Variants in CNBD1 observed in about 807,000 individuals in gnomAD.
CNBD1 encodes the protein cyclic nucleotide binding domain containing 1, also known as cyclic nucleotide-binding domain-containing protein 1.
CNBD1 carries 71 observed loss-of-function variants against 54.4 expected under a neutral mutation model. That is an observed-to-expected ratio of 1.30 (90% CI 1.08 to 1.59). The LOEUF (loss-of-function observed/expected upper bound fraction) is 1.59, where lower values mean the gene tolerates loss of function less well. Among genes scored for constraint, CNBD1 ranks in the 40% most tolerant of loss-of-function variants. The probability of loss-of-function intolerance (pLI) is 0.00; values close to 1 mark genes in which losing one functional copy is unlikely to be tolerated. For missense variants in CNBD1, 659 were observed against 518.0 expected, an observed-to-expected ratio of 1.27 and a Z score of -2.64; for synonymous variants, 182 against 170.7, an observed-to-expected ratio of 1.07 and a Z score of -0.51.
intron 4 of CNBD1, among the ~76,000 whole-genome samples, chr8:87,016,299 T>A (rs1470810572): frequency 2.6e-5 from 4 of 151,824 alleles, no homozygotes; most frequent in Non-Finnish European, 5.9e-5. Flanking sequence ...ACTAAAAAGT[T>A]AAAATAATAA....
At position 87,103,286 on chromosome 8, in the gene CNBD1, A is replaced by G. The variant is rs116538572; in HGVS notation, c.432-102707A>G. On this transcript the variant is annotated intron_variant, in intron 4 of 10. Transcript: ENST00000518476. ...GGTCTACAAAAAGCCTTGATTTATT[A>G]AATAATTATTCTGGGCCATGCACTC... Among the ~76,000 whole-genome samples, 369 of 152,300 alleles carry G rather than the reference A, an allele frequency of 2.4e-3. 1 individual carries two copies. Among genetic ancestry groups the G allele is most frequent in the African/African-American group, 8.1e-3 (335 of 41,556 alleles).
chr8:87,305,101 A>G (rs895996199), intron 8 of CNBD1, among the ~76,000 whole-genome samples: 3 of 152,146 alleles, frequency 2.0e-5, no homozygotes, highest in Admixed American at 6.6e-5. Flanking sequence ...TAGCTCTTCT[A>G]TACACCAACA....
intron 4 of CNBD1, among the ~76,000 whole-genome samples, chr8:87,061,078 C>T (rs534085335): frequency 2.6e-4 from 39 of 152,300 alleles, no homozygotes; most frequent in African/African-American, 9.4e-4. Context: ...AATTCCTTTT[C>T]AAAATGCCAA....
chr8:87,199,218 A>G (rs1199767571), intron 4 of CNBD1, among the ~76,000 whole-genome samples: 1 of 152,196 alleles, frequency 6.6e-6, no homozygotes, highest in Non-Finnish European at 1.5e-5. Flanking sequence ...GTGTCTCAAC[A>G]CGTACAGAAT....
chr8:87,335,673 G>T (rs1225689178), intron 8 of CNBD1, among the ~76,000 whole-genome samples: 5 of 152,102 alleles, frequency 3.3e-5, no homozygotes, highest in Non-Finnish European at 7.4e-5. Context: ...GTCAGTCTGT[G>T]TCTTTTAATT....
intron 3 of CNBD1, among the ~76,000 whole-genome samples, chr8:86,911,202 G>A (rs1305117129): frequency 6.6e-6 from 1 of 152,190 alleles, no homozygotes; most frequent in Non-Finnish European, 1.5e-5. Context: ...ACCCATGCAA[G>A]CTTTTAGCTT....
chr8:87,117,398 C>CAAAAA (rs57622902), intron 4 of CNBD1, among the ~76,000 whole-genome samples: 1 of 107,236 alleles, frequency 9.3e-6, no homozygotes, highest in African/African-American at 3.6e-5. Context: ...GATTCCGTCT[C>CAAAAA]AAAAAAAAAA....
At chr8:87,081,437 T>C (rs923245669) in intron 4 of CNBD1, among the ~76,000 whole-genome samples, 2 of 151,782 alleles carry the variant, frequency 1.3e-5, no homozygotes, top group Non-Finnish European at 2.9e-5. Context: ...TCTTAGTGAA[T>C]GTACCATGTG....
At chr8:87,275,751 G>A (rs543332048) in intron 6 of CNBD1, among the ~76,000 whole-genome samples, 1 of 151,590 alleles carries the variant, frequency 6.6e-6, no homozygotes, top group South Asian at 2.1e-4. Context: ...GGAAATAAAG[G>A]GTATTCAATT....
At chr8:87,304,312 A>C (rs1444074326) in intron 8 of CNBD1, among the ~76,000 whole-genome samples, 1 of 152,200 alleles carries the variant, frequency 6.6e-6, no homozygotes, top group South Asian at 2.1e-4. Flanking sequence ...AGCCATAAAA[A>C]ATGATGAGTT....
chr8:87,334,948 T>A (rs1041611603), intron 8 of CNBD1, among the ~76,000 whole-genome samples: 1 of 151,950 alleles, frequency 6.6e-6, no homozygotes. Flanking sequence ...ATGGTCTCAG[T>A]CTCTTGACCT....
intron 4 of CNBD1, among the ~76,000 whole-genome samples, chr8:86,981,011 G>T (rs1808474361): frequency 6.6e-6 from 1 of 152,184 alleles, no homozygotes; most frequent in Admixed American, 6.5e-5. Flanking sequence ...TACAAGAGGG[G>T]TGTGGTTATA....
At chr8:87,033,931 G>A (rs564785072) in intron 4 of CNBD1, among the ~76,000 whole-genome samples, 1 of 151,940 alleles carries the variant, frequency 6.6e-6, no homozygotes, top group Non-Finnish European at 1.5e-5. Flanking sequence ...TAATGACTTA[G>A]CTTTTTCTTG....
chr8:87,344,335 G>A (rs1810126731), intron 8 of CNBD1, among the ~76,000 whole-genome samples: 1 of 151,936 alleles, frequency 6.6e-6, no homozygotes, highest in Non-Finnish European at 1.5e-5. Flanking sequence ...CAAAAGAGAT[G>A]TATTAAGAAG....
intron 4 of CNBD1, among the ~76,000 whole-genome samples, chr8:87,073,004 T>G (rs1810790367): frequency 6.6e-6 from 1 of 152,058 alleles, no homozygotes; most frequent in Middle Eastern, 3.2e-3. Context: ...TTTTGTTCTT[T>G]TCTTTCCATT....
chr8:87,397,489 A>G (rs1217972600), intron 2 of CNBD1, among the ~76,000 whole-genome samples: 1 of 151,932 alleles, frequency 6.6e-6, no homozygotes, highest in Non-Finnish European at 1.5e-5. Context: ...TTGCCACAAA[A>G]CTAAATTTAC....
chr8:87,217,115 T>A (rs1814228725), intron 5 of CNBD1, among the ~76,000 whole-genome samples: 1 of 152,164 alleles, frequency 6.6e-6, no homozygotes, highest in East Asian at 1.9e-4. Flanking sequence ...AAACTCTTTT[T>A]TATGAAAGTG....
intron 4 of CNBD1, among the ~76,000 whole-genome samples, chr8:87,110,610 C>T (rs778057341): frequency 5.3e-5 from 8 of 152,154 alleles, no homozygotes; most frequent in Non-Finnish European, 1.2e-4. Flanking sequence ...TATCCCCTGC[C>T]CTCCGGAGCA....
intron 4 of CNBD1, among the ~76,000 whole-genome samples, chr8:87,161,203 C>T (rs184330963): frequency 6.6e-6 from 1 of 152,006 alleles, no homozygotes; most frequent in East Asian, 1.9e-4. Flanking sequence ...GTTACCTTCA[C>T]ATATGTTTTC....
Sources: allele counts gnomAD v4.1 joint callset (sites outside exome capture counted in the v4.1 genomes callset), GRCh38; gene constraint gnomAD v4.1.1; transcripts MANE v1.5; gene names NCBI Gene and HGNC (gene_info 2026-07-23, HGNC 2026-07-21).